Variants in PDE1A observed in about 807,000 individuals in gnomAD.
PDE1A encodes the protein phosphodiesterase 1A, also known as dual specificity calcium/calmodulin-dependent 3',5'-cyclic nucleotide phosphodiesterase 1A.
A neutral mutation model predicts 61.7 loss-of-function variants in PDE1A; 35 were observed. The observed-to-expected ratio is 0.57, with a 90% CI of 0.43 to 0.75. The LOEUF (loss-of-function observed/expected upper bound fraction) is 0.75, where lower values mean the gene tolerates loss of function less well. PDE1A is among the 30% of genes least tolerant of loss of function. The pLI, the probability that PDE1A is intolerant of heterozygous loss-of-function variation, is 0.00. For missense variants in PDE1A, 597 were observed against 630.6 expected (o/e 0.95, Z 0.57); for synonymous variants, 232 against 213.2 (o/e 1.09, Z -0.77).
At chr2:182,571,220 T>C in the PDE1A span, among the ~76,000 whole-genome samples, 2 of 152,196 alleles carry the variant, frequency 1.3e-5, no homozygotes, top group Non-Finnish European at 2.9e-5. Flanking sequence ...TAGTTTGCAA[T>C]TCAAACCTTT....
chr2:182,712,719 G>C, the PDE1A span, among the ~76,000 whole-genome samples: 69 of 152,122 alleles, frequency 4.5e-4, no homozygotes, highest in Non-Finnish European at 8.8e-4. Flanking sequence ...ACCACGCCTG[G>C]CTAATTTTTT....
chr2:182,183,817 A>T (rs543990345), intron 13 of PDE1A, among the ~76,000 whole-genome samples: 4 of 152,080 alleles, frequency 2.6e-5, no homozygotes, highest in Non-Finnish European at 5.9e-5. Flanking sequence ...AGACATTATA[A>T]AAAAGAACCA....
intron 6 of PDE1A, among the ~76,000 whole-genome samples, chr2:182,225,460 T>C (rs192451188): frequency 2.2e-3 from 337 of 152,072 alleles, no homozygotes; most frequent in Non-Finnish European, 3.1e-3. Context: ...TCACATAACC[T>C]ATCATGATAT....
chr2:182,472,303 A>C lies in PDE1A; in HGVS notation c.101+49973T>G, dbSNP rs578251450. On this transcript the variant is annotated intron_variant, in intron 2 of 14. Transcript: ENST00000410103. ...ATTCACAAAAGCAAAATATGAAATC[A>C]ACCTAAGTGGCCATCAATGGATAAC... Among the ~76,000 whole-genome samples, 23 of 152,088 alleles carry C rather than the reference A, an allele frequency of 1.5e-4. No individual in the cohort carries two copies. In the South Asian group the frequency reaches 4.1e-3, roughly 27 times the overall value.
chr2:182,654,400 G>T, the PDE1A span, among the ~76,000 whole-genome samples: 1 of 152,160 alleles, frequency 6.6e-6, no homozygotes, highest in Non-Finnish European at 1.5e-5. Context: ...CCAGGTTGCA[G>T]TTTCACTTGG....
chr2:182,563,674 T>C, the PDE1A span, among the ~76,000 whole-genome samples: 2 of 152,174 alleles, frequency 1.3e-5, no homozygotes, highest in Non-Finnish European at 2.9e-5. Context: ...TCTCCCATTA[T>C]TATTGTGTGG....
At chr2:182,436,776 A>G (rs1007141115) in intron 2 of PDE1A, among the ~76,000 whole-genome samples, 1 of 151,966 alleles carries the variant, frequency 6.6e-6, no homozygotes, top group African/African-American at 2.4e-5. Context: ...AGACTTTAGA[A>G]AAGTTATATA....
chr2:182,386,457 G>A (rs1046233265), intron 1 of PDE1A, among the ~76,000 whole-genome samples: 153 of 149,978 alleles, frequency 1.0e-3, no homozygotes, highest in Middle Eastern at 3.5e-3. Context: ...CTGCCCCGGC[G>A]CCCTGTCTGG....
At chr2:182,556,056 T>G in the PDE1A span, among the ~76,000 whole-genome samples, 1 of 149,346 alleles carries the variant, frequency 6.7e-6, no homozygotes, top group African/African-American at 2.5e-5. Flanking sequence ...ATTAGAACTG[T>G]GTGCATTGGT....
the PDE1A span, among the ~76,000 whole-genome samples, chr2:182,586,395 T>G: frequency 2.0e-5 from 3 of 152,194 alleles, no homozygotes; most frequent in Non-Finnish European, 2.9e-5. Flanking sequence ...CCTCTTGCTC[T>G]CCATGACTTT....
the PDE1A span, among the ~76,000 whole-genome samples, chr2:182,544,882 A>C: frequency 6.6e-6 from 1 of 152,166 alleles, no homozygotes; most frequent in Non-Finnish European, 1.5e-5. Context: ...AAAGAAACAA[A>C]GAGGTAAAAT....
At chr2:182,163,669 A>G (rs1691503799), downstream of PDE1A, among the ~76,000 whole-genome samples, 1 of 152,156 alleles carries the variant, frequency 6.6e-6, no homozygotes, top group Admixed American at 6.6e-5. Flanking sequence ...TAACTGAGAA[A>G]GAAGCACAAT....
chr2:182,413,638 A>G (rs1237401159), intron 1 of PDE1A, among the ~76,000 whole-genome samples: 1 of 152,234 alleles, frequency 6.6e-6, no homozygotes, highest in African/African-American at 2.4e-5. Context: ...TATTTCTGAA[A>G]CAACAATTTA....
intron 1 of PDE1A, among the ~76,000 whole-genome samples, chr2:182,361,322 T>C (rs1305773555): frequency 1.3e-5 from 2 of 152,090 alleles, no homozygotes; most frequent in Non-Finnish European, 2.9e-5. Flanking sequence ...TGAGGATTAA[T>C]AGGCAAAAAA....
the PDE1A span, among the ~76,000 whole-genome samples, chr2:182,602,862 C>G: frequency 6.6e-6 from 1 of 152,052 alleles, no homozygotes; most frequent in African/African-American, 2.4e-5. Flanking sequence ...ACTGAAGATA[C>G]CAGAAGAGAC....
At chr2:182,413,565 T>G (rs1158162012) in intron 1 of PDE1A, among the ~76,000 whole-genome samples, 1 of 152,226 alleles carries the variant, frequency 6.6e-6, no homozygotes, top group Non-Finnish European at 1.5e-5. Flanking sequence ...TGTTTTATGC[T>G]GTCCTTAATA....
chr2:182,225,922 A>C (rs1175365330), intron 6 of PDE1A, among the ~76,000 whole-genome samples: 1 of 149,914 alleles, frequency 6.7e-6, no homozygotes, highest in Admixed American at 6.6e-5. Context: ...GTTCATAGAC[A>C]CATTTAATTG....
At chr2:182,198,732 TA>T (rs954932783) in intron 10 of PDE1A, among the ~76,000 whole-genome samples, 32 of 151,606 alleles carry the variant, frequency 2.1e-4, no homozygotes, top group South Asian at 6.2e-4. Flanking sequence ...TTTTAAAAAT[TA>T]AAAAAAAATT....
chr2:182,372,221 G>A (rs766166911), intron 1 of PDE1A, among the ~76,000 whole-genome samples: 1 of 152,110 alleles, frequency 6.6e-6, no homozygotes, highest in Non-Finnish European at 1.5e-5. Flanking sequence ...TATAACTCTT[G>A]TATTTATACA....
Sources: gnomAD v4.1 joint callset for allele counts (sites outside exome capture counted in the v4.1 genomes callset) on GRCh38, gnomAD v4.1.1 for gene constraint, MANE v1.5 for transcripts, NCBI Gene and HGNC (gene_info 2026-07-23, HGNC 2026-07-21) for gene names.